The following DOCK4 variants were observed in gnomAD, a reference collection of about 807,000 sequenced individuals.
DOCK4 encodes dedicator of cytokinesis 4.
Under a neutral mutation model 268.1 loss-of-function variants are expected in DOCK4, and 97 were observed. The observed-to-expected ratio is 0.36, with a 90% CI of 0.31 to 0.43. The LOEUF (loss-of-function observed/expected upper bound fraction) is 0.43, where lower values mean the gene tolerates loss of function less well. Among genes scored for constraint, DOCK4 ranks in the 20% least tolerant of loss-of-function variants. The pLI, the probability that DOCK4 is intolerant of heterozygous loss-of-function variation, is 1.00. For missense variants in DOCK4, 2,145 were observed against 2,455.7 expected (o/e 0.87, Z 2.67); for synonymous variants, 954 against 887.2 (o/e 1.08, Z -1.34).
chr7:112,050,993 T>C (rs1306122147), intron 1 of DOCK4, among the ~76,000 whole-genome samples: 5 of 152,102 alleles, frequency 3.3e-5, no homozygotes, highest in Admixed American at 3.3e-4. Context: ...GTCCATTGGG[T>C]GCACAGTTCT....
At chr7:111,970,017 C>A (rs774508369) in intron 8 of DOCK4, among the ~76,000 whole-genome samples, 1 of 152,198 alleles carries the variant, frequency 6.6e-6, no homozygotes, top group South Asian at 2.1e-4. Flanking sequence ...CCTGATGCCT[C>A]CTAAGGGACC....
At chr7:112,018,179 A>AAAAAAAAAAAAAAAAAAAAACAAC in intron 1 of DOCK4, among the ~76,000 whole-genome samples, 5 of 72,590 alleles carry the variant, frequency 6.9e-5, no homozygotes, top group East Asian at 8.1e-4. Context: ...AAAAAAAAAA[A>AAAAAAAAAAAAAAAAAAAAACAAC]ACACAGGCAA....
chr7:112,035,637 G>T (rs1803684973), intron 1 of DOCK4, among the ~76,000 whole-genome samples: 1 of 152,114 alleles, frequency 6.6e-6, no homozygotes, highest in Non-Finnish European at 1.5e-5. Context: ...ACTGAGTGCA[G>T]CAGGAAAGAC....
chr7:111,840,442 G>C (rs559065303), intron 25 of DOCK4, among the ~76,000 whole-genome samples: 1 of 152,208 alleles, frequency 6.6e-6, no homozygotes, highest in Admixed American at 6.5e-5. Context: ...GAGAATGCAA[G>C]GCAAGTGGTC....
intron 4 of DOCK4, among the ~76,000 whole-genome samples, chr7:111,997,201 T>G (rs1452585884): frequency 3.3e-5 from 5 of 152,306 alleles, no homozygotes; most frequent in Admixed American, 3.3e-4. Flanking sequence ...TCTAGCTGGG[T>G]AGGAAAGTTT....
At chr7:111,998,326 CACAG>C (rs1479374201) in intron 4 of DOCK4, 118 bp downstream of exon 4, 1 of 767,454 alleles carries the variant, frequency 1.3e-6, no homozygotes, top group Non-Finnish European at 2.0e-6. Flanking sequence ...TAACAAAGAA[CACAG>C]ACAATGGTAT....
At chr7:112,204,226 A>G (rs1821185308) in intron 1 of DOCK4, among the ~76,000 whole-genome samples, 2 of 152,168 alleles carry the variant, frequency 1.3e-5, no homozygotes, top group South Asian at 4.1e-4. Context: ...AGAGGAACTA[A>G]TCGATACCAG....
intron 16 of DOCK4, among the ~76,000 whole-genome samples, chr7:111,877,790 T>A (rs964421556): frequency 5.9e-5 from 9 of 152,250 alleles, no homozygotes; most frequent in African/African-American, 2.2e-4. Flanking sequence ...TTCATATCCC[T>A]ACTGTAATTA....
intron 1 of DOCK4, among the ~76,000 whole-genome samples, chr7:112,088,584 A>G (rs1809334281): frequency 6.6e-6 from 1 of 152,106 alleles, no homozygotes; most frequent in Non-Finnish European, 1.5e-5. Context: ...TTTTTCTATT[A>G]GTACTATGGG....
chr7:112,043,385 CTTGTT>C (rs1485325411), intron 1 of DOCK4, among the ~76,000 whole-genome samples: 1 of 152,150 alleles, frequency 6.6e-6, no homozygotes, highest in Admixed American at 6.5e-5. Context: ...CAGGAGCTTA[CTTGTT>C]TTGATTAGTA....
chr7:111,874,675 A>C (rs1230333073), intron 17 of DOCK4, among the ~76,000 whole-genome samples: 5 of 152,206 alleles, frequency 3.3e-5, no homozygotes, highest in African/African-American at 9.6e-5. Flanking sequence ...TTCAACAGGC[A>C]TTTACTAGGT....
intron 11 of DOCK4, among the ~76,000 whole-genome samples, chr7:111,937,889 T>C (rs1478751633): frequency 6.6e-6 from 1 of 152,246 alleles, no homozygotes; most frequent in African/African-American, 2.4e-5. Context: ...AGCGTCTGTC[T>C]GCTTCATGGG....
intron 27 of DOCK4, among the ~76,000 whole-genome samples, chr7:111,822,071 C>T (rs1802025268): frequency 6.6e-6 from 1 of 152,098 alleles, no homozygotes; most frequent in African/African-American, 2.4e-5. Context: ...TATAAAGGAA[C>T]ACTAGGAGGA....
chr7:111,849,059 G>T (rs993735261), intron 23 of DOCK4, among the ~76,000 whole-genome samples: 1 of 152,124 alleles, frequency 6.6e-6, no homozygotes, highest in Admixed American at 6.5e-5. Flanking sequence ...TGCTTGCCTG[G>T]GCTGACTCCC....
intron 30 of DOCK4, among the ~76,000 whole-genome samples, chr7:111,791,141 T>C (rs568422634): frequency 1.4e-5 from 2 of 146,708 alleles, no homozygotes; most frequent in Admixed American, 1.4e-4. Context: ...TTATTGTATA[T>C]GCACACATTA....
At chr7:111,830,172 A>C (rs888536160) in intron 26 of DOCK4, among the ~76,000 whole-genome samples, 3 of 152,220 alleles carry the variant, frequency 2.0e-5, no homozygotes, top group African/African-American at 7.2e-5. Context: ...ATGCAGATTA[A>C]AACAAGATGA....
chr7:111,766,206 T>C (rs1271364095), intron 38 of DOCK4, among the ~76,000 whole-genome samples: 2 of 152,228 alleles, frequency 1.3e-5, no homozygotes, highest in African/African-American at 2.4e-5. Context: ...TGAAATACTG[T>C]GCCAAAAGGA....
chr7:112,169,407 C>T (rs992547107), intron 1 of DOCK4, among the ~76,000 whole-genome samples: 3 of 152,094 alleles, frequency 2.0e-5, no homozygotes, highest in African/African-American at 7.2e-5. Context: ...AAAAATGAAA[C>T]TTTAAACACA....
At chr7:111,931,485 G>A (rs1794196906) in intron 12 of DOCK4, among the ~76,000 whole-genome samples, 1 of 152,162 alleles carries the variant, frequency 6.6e-6, no homozygotes, top group South Asian at 2.1e-4. Context: ...AAACATGGGA[G>A]GAACTGCCCA....
Sources: gnomAD v4.1 joint callset for allele counts (sites outside exome capture counted in the v4.1 genomes callset) on GRCh38, gnomAD v4.1.1 for gene constraint, MANE v1.5 for transcripts, NCBI Gene and HGNC (gene_info 2026-07-23, HGNC 2026-07-21) for gene names.